CSMD1: variants seen among roughly 807,000 people sequenced by gnomAD.
CSMD1 encodes the protein CUB and Sushi multiple domains 1, also known as CUB and sushi domain-containing protein 1.
Under a neutral mutation model 417.5 loss-of-function variants are expected in CSMD1, and 213 were observed. The observed-to-expected ratio is 0.51, with a 90% CI of 0.46 to 0.57. The LOEUF (loss-of-function observed/expected upper bound fraction) is 0.57, where lower values mean the gene tolerates loss of function less well. Among genes scored for constraint, CSMD1 ranks in the 20% least tolerant of loss-of-function variants. The pLI is 0.00. For missense variants in CSMD1, 6,923 were observed against 4,529.7 expected (o/e 1.53, Z -15.17); for synonymous variants, 2,862 against 1,736.8 (o/e 1.65, Z -16.11).
At chr8:3,593,069 G>T (rs1800930074) in intron 8 of CSMD1, among the ~76,000 whole-genome samples, 1 of 152,192 alleles carries the variant, frequency 6.6e-6, no homozygotes, top group Non-Finnish European at 1.5e-5. Flanking sequence ...CCTGCCCAGT[G>T]AGAAGGAATG....
intron 2 of CSMD1, among the ~76,000 whole-genome samples, chr8:4,599,150 G>A (rs570035237): frequency 6.6e-6 from 1 of 152,220 alleles, no homozygotes; most frequent in African/African-American, 2.4e-5. Context: ...AAAATCCAAC[G>A]TACTGTATCT....
intron 10 of CSMD1, among the ~76,000 whole-genome samples, chr8:3,542,422 A>G (rs1179902799): frequency 1.3e-5 from 2 of 152,188 alleles, no homozygotes; most frequent in Non-Finnish European, 2.9e-5. Context: ...ATACCGTTCT[A>G]CGATTGGATG....
intron 3 of CSMD1, among the ~76,000 whole-genome samples, chr8:4,397,059 C>G (rs1804282844): frequency 1.3e-5 from 2 of 152,052 alleles, no homozygotes; most frequent in East Asian, 3.9e-4. Flanking sequence ...AATTATTACC[C>G]TTCTCAAATT....
intron 22 of CSMD1, among the ~76,000 whole-genome samples, chr8:3,345,543 T>A (rs565393864): frequency 6.6e-6 from 1 of 152,154 alleles, no homozygotes; most frequent in Admixed American, 6.5e-5. Flanking sequence ...CTGATTCCAA[T>A]TGGATGAGGA....
chr8:3,600,842 G>A (rs9694325), intron 8 of CSMD1, among the ~76,000 whole-genome samples: 1 of 152,064 alleles, frequency 6.6e-6, no homozygotes, highest in Admixed American at 6.5e-5. Context: ...TGCATGTTTT[G>A]CAATATTGCA....
chr8:4,757,163 C>T (rs1298849884), intron 1 of CSMD1, among the ~76,000 whole-genome samples: 1 of 152,198 alleles, frequency 6.6e-6, no homozygotes, highest in Admixed American at 6.5e-5. Flanking sequence ...GATTTCACTT[C>T]TATAAACATG....
intron 5 of CSMD1, among the ~76,000 whole-genome samples, chr8:3,819,009 A>G (rs1801560108): frequency 6.6e-6 from 1 of 152,034 alleles, no homozygotes. Context: ...ATGATTTATC[A>G]CTCTCTTTTG....
At chr8:4,841,881 A>G (rs1007898685) in intron 1 of CSMD1, among the ~76,000 whole-genome samples, 7 of 130,216 alleles carry the variant, frequency 5.4e-5, no homozygotes, top group African/African-American at 1.9e-4. Flanking sequence ...GTTGCACTCT[A>G]GCCGGGGCAA....
At chr8:4,311,525 C>G (rs1471588543) in intron 3 of CSMD1, among the ~76,000 whole-genome samples, 1 of 152,004 alleles carries the variant, frequency 6.6e-6, no homozygotes, top group Non-Finnish European at 1.5e-5. Flanking sequence ...GAGTTCGAGA[C>G]CAGCCTGACC....
rs897548391 is a variant in CSMD1, at chr8:3,467,517, T to A, written c.1561+1195A>T. ...TGCCTCTGCATTCTAGTTTTAGTCA[T>A]TGAAAGGGATGTAAATATACATTTT... On this transcript the variant is annotated intron_variant, in intron 12 of 69. Coordinates refer to ENST00000635120, the MANE Select transcript of CSMD1 (RefSeq NM_033225.6). Among the ~76,000 whole-genome samples the A allele has an allele frequency of 2.0e-5, 3 of 152,230 alleles. No homozygotes were observed. In the South Asian group the frequency reaches 6.2e-4, roughly 31 times the overall value.
At chr8:4,325,641 C>G (rs1189908568) in intron 3 of CSMD1, among the ~76,000 whole-genome samples, 3 of 152,002 alleles carry the variant, frequency 2.0e-5, no homozygotes, top group Non-Finnish European at 2.9e-5. Context: ...CCCAAACTAC[C>G]CAAATTACAC....
In CSMD1 at chr8:4,893,688, G is replaced by A. The variant is rs149113975; in HGVS notation, c.85+100644C>T. ...TCCTAACTGGTTCAAACTGTCACCTGTACCATAGTCTAAACTCACATTTAC... is the reference window on the plus strand; with the variant it reads ...TCCTAACTGGTTCAAACTGTCACCTATACCATAGTCTAAACTCACATTTAC... On this transcript the variant is annotated intron_variant, in intron 1 of 69. Transcript: ENST00000635120. Among the ~76,000 whole-genome samples, 866 of 152,202 alleles carry A rather than the reference G, an allele frequency of 5.7e-3. 20 individuals carry two copies. The highest frequency in any genetic ancestry group is 0.02 in the African/African-American group (820 of 41,480).
At chr8:3,272,973 A>G (rs1050738960) in intron 26 of CSMD1, among the ~76,000 whole-genome samples, 2 of 150,482 alleles carry the variant, frequency 1.3e-5, no homozygotes, top group Non-Finnish European at 3.0e-5. Context: ...ACTATGTTGA[A>G]TAGGAGTGGT....
intron 3 of CSMD1, among the ~76,000 whole-genome samples, chr8:4,285,690 C>G (rs1341144251): frequency 3.3e-5 from 5 of 152,176 alleles, no homozygotes; most frequent in Non-Finnish European, 7.3e-5. Flanking sequence ...AAGAATGGAG[C>G]TTTCCAGAAC....
intron 3 of CSMD1, among the ~76,000 whole-genome samples, chr8:4,294,525 G>C (rs1394016147): frequency 6.6e-6 from 1 of 152,034 alleles, no homozygotes; most frequent in Admixed American, 6.5e-5. Flanking sequence ...CCTCCACTTT[G>C]CAGATGAGCA....
intron 3 of CSMD1, among the ~76,000 whole-genome samples, chr8:4,205,522 A>G (rs138691076): frequency 1.3e-3 from 199 of 152,274 alleles, no homozygotes; most frequent in African/African-American, 4.5e-3. Flanking sequence ...ATTTCATTTT[A>G]TGGATGATGA....
intron 17 of CSMD1, among the ~76,000 whole-genome samples, chr8:3,392,223 T>C (rs1811391973): frequency 6.6e-6 from 1 of 151,994 alleles, no homozygotes; most frequent in Admixed American, 6.6e-5. Flanking sequence ...AACCTGCACG[T>C]TGTCACATGT....
intron 5 of CSMD1, among the ~76,000 whole-genome samples, chr8:3,763,849 T>C (rs1379736754): frequency 6.6e-6 from 1 of 152,164 alleles, no homozygotes; most frequent in Non-Finnish European, 1.5e-5. Flanking sequence ...TCACATGGAA[T>C]GATTTCCTCC....
At chr8:4,571,882 C>A (rs954326557) in intron 2 of CSMD1, among the ~76,000 whole-genome samples, 1 of 152,042 alleles carries the variant, frequency 6.6e-6, no homozygotes, top group Non-Finnish European at 1.5e-5. Context: ...TATGTAATGC[C>A]CTTGTCTTTT....
Sources: allele counts gnomAD v4.1 joint callset (sites outside exome capture counted in the v4.1 genomes callset), GRCh38; gene constraint gnomAD v4.1.1; transcripts MANE v1.5; gene names NCBI Gene and HGNC (gene_info 2026-07-23, HGNC 2026-07-21).